The following AGBL1 variants were observed in gnomAD, a reference collection of about 807,000 sequenced individuals.
AGBL1 encodes the protein cytosolic carboxypeptidase 4.
Under a neutral mutation model 118.9 loss-of-function variants are expected in AGBL1, and 130 were observed. That is an observed-to-expected ratio of 1.09 (90% CI 0.95 to 1.26). AGBL1 has a LOEUF of 1.26. Among genes scored for constraint, AGBL1 ranks in the 50% most tolerant of loss-of-function variants. The pLI is 0.00. For synonymous variants in AGBL1, 555 were observed against 478.9 expected, an observed-to-expected ratio of 1.16 and a Z score of -2.08; for missense variants, 1,584 against 1,298.1, an observed-to-expected ratio of 1.22 and a Z score of -3.38.
At chr15:86,440,137 CTGTT>C (rs897271324) in intron 18 of AGBL1, among the ~76,000 whole-genome samples, 10 of 152,038 alleles carry the variant, frequency 6.6e-5, no homozygotes, top group South Asian at 2.1e-4. Flanking sequence ...AATGGAAACA[CTGTT>C]TGTAGGCTGA....
chr15:86,393,765 G>A (rs28547313), intron 17 of AGBL1, among the ~76,000 whole-genome samples: 16,130 of 152,106 alleles, frequency 0.11, 1,194 homozygotes, highest in African/African-American at 0.21. Context: ...GACTGAATAT[G>A]TATGTCCTCC....
In AGBL1 at chr15:86,264,581, A is replaced by G; in HGVS notation, c.1410A>G (p.Val470=). 6.2e-7 allele frequency: 1 copy of G among 1,613,976 alleles called. No homozygotes were observed. The highest frequency in any genetic ancestry group is 1.1e-5 in the South Asian group (1 of 91,068). Reference sequence around the variant, plus strand: ...CCCCGAAAGCAGATGCCTGGGACGTAGATGCAATTTTCTGCCCAAGGATGA... The same window carrying G: ...CCCCGAAAGCAGATGCCTGGGACGTGGATGCAATTTTCTGCCCAAGGATGA... ...QASPKADAWD[V]DAIFCPRMSA... The change falls in exon 11 of 23, where the codon GTA becomes GTG. Residue 470 remains valine, a synonymous_variant. Coordinates refer to ENST00000614907, the MANE Select transcript of AGBL1 (RefSeq NM_001386094.1).
At chr15:86,544,558 G>C (rs142982366) in intron 19 of AGBL1, among the ~76,000 whole-genome samples, 6 of 152,188 alleles carry the variant, frequency 3.9e-5, no homozygotes, top group Non-Finnish European at 1.5e-5. Flanking sequence ...GGGCAAATGA[G>C]GGGCAAAGTC....
intron 18 of AGBL1, among the ~76,000 whole-genome samples, chr15:86,472,438 T>G (rs1047745806): frequency 1.1e-4 from 17 of 152,222 alleles, no homozygotes; most frequent in African/African-American, 4.1e-4. Context: ...TAATTACATC[T>G]TTGTGTGCTC....
chr15:86,498,241 G>C (rs1402053743), intron 18 of AGBL1, among the ~76,000 whole-genome samples: 1 of 151,600 alleles, frequency 6.6e-6, no homozygotes, highest in Admixed American at 6.6e-5. Flanking sequence ...CCATATCTTG[G>C]TTTTATCTCC....
At chr15:86,283,413 T>G (rs963748891) in intron 16 of AGBL1, among the ~76,000 whole-genome samples, 1 of 151,720 alleles carries the variant, frequency 6.6e-6, no homozygotes, top group Non-Finnish European at 1.5e-5. Flanking sequence ...AGAGCAGAAT[T>G]TTTACCAGAC....
At chr15:86,180,318 G>C (rs2077535263) in intron 5 of AGBL1, among the ~76,000 whole-genome samples, 2 of 152,226 alleles carry the variant, frequency 1.3e-5, no homozygotes, top group African/African-American at 4.8e-5. Context: ...CAGTATGGAA[G>C]ATAGTGGGGT....
At chr15:86,849,794 G>T (rs776874952) in intron 22 of AGBL1, among the ~76,000 whole-genome samples, 1 of 152,182 alleles carries the variant, frequency 6.6e-6, no homozygotes, top group Non-Finnish European at 1.5e-5. Flanking sequence ...GGCAGCGTGT[G>T]CTGGGTAGCA....
chr15:86,238,506 C>T (rs1011764344), intron 6 of AGBL1, among the ~76,000 whole-genome samples: 3 of 152,166 alleles, frequency 2.0e-5, no homozygotes, highest in Non-Finnish European at 2.9e-5. Flanking sequence ...CAAGAGTCTA[C>T]CATGTTAGAG....
At chr15:86,867,900 A>G (rs1458163627) in intron 22 of AGBL1, among the ~76,000 whole-genome samples, 1 of 152,184 alleles carries the variant, frequency 6.6e-6, no homozygotes, top group Non-Finnish European at 1.5e-5. Context: ...CAGATATCCC[A>G]ATGAACCCAG....
intron 22 of AGBL1, among the ~76,000 whole-genome samples, chr15:86,815,841 T>C (rs543628486): frequency 6.6e-6 from 1 of 152,116 alleles, no homozygotes; most frequent in South Asian, 2.1e-4. Context: ...TTCCAGAATT[T>C]TGAAACAAAC....
At chr15:86,890,357 G>A (rs60089117) in intron 22 of AGBL1, among the ~76,000 whole-genome samples, 57,777 of 151,890 alleles carry the variant, frequency 0.38, 11,276 homozygotes, top group African/African-American at 0.47. Flanking sequence ...CACTCTGATT[G>A]ATAATTGTTT....
intron 3 of AGBL1, among the ~76,000 whole-genome samples, chr15:86,153,442 G>T (rs558861102): frequency 6.6e-6 from 1 of 151,534 alleles, no homozygotes; most frequent in African/African-American, 2.4e-5. Flanking sequence ...GCTCTCACTC[G>T]TAGGTGGGAA....
intron 22 of AGBL1, among the ~76,000 whole-genome samples, chr15:86,720,014 ACT>A (rs1483677346): frequency 6.6e-6 from 1 of 151,896 alleles, no homozygotes; most frequent in African/African-American, 2.4e-5. Context: ...TCAGGGGTTG[ACT>A]CTGATTTCCC....
At chr15:86,556,318 C>T in intron 21 of AGBL1, 1 of 1,574,852 alleles carries the variant, frequency 6.3e-7, no homozygotes, top group Non-Finnish European at 8.7e-7. Flanking sequence ...GTGAAATTTT[C>T]CAAATGGCTT....
intron 19 of AGBL1, among the ~76,000 whole-genome samples, chr15:86,529,716 A>G (rs747112716): frequency 0.028 from 4,248 of 151,362 alleles, 78 homozygotes; most frequent in East Asian, 0.066. Context: ...GAGAAAGGTC[A>G]GGTTACCCTC....
At chr15:86,530,290 A>C (rs1825624615) in intron 19 of AGBL1, among the ~76,000 whole-genome samples, 2 of 115,214 alleles carry the variant, frequency 1.7e-5, no homozygotes, top group Admixed American at 1.5e-4. Context: ...GAAAACAAAA[A>C]AAGGCAGGGG....
At chr15:86,674,056 T>C (rs2142548996) in intron 21 of AGBL1, among the ~76,000 whole-genome samples, 1 of 152,028 alleles carries the variant, frequency 6.6e-6, no homozygotes, top group East Asian at 1.9e-4. Flanking sequence ...GTCATGGGGG[T>C]ACTTCTGGGG....
chr15:86,987,906 T>C, intron 23 of AGBL1: 2 of 1,516,184 alleles, frequency 1.3e-6, no homozygotes, highest in Non-Finnish European at 8.8e-7. Flanking sequence ...ATAATATGTT[T>C]TTAAAATCCA....
Sources: allele counts gnomAD v4.1 joint callset (sites outside exome capture counted in the v4.1 genomes callset), GRCh38; gene constraint gnomAD v4.1.1; transcripts MANE v1.5; gene names NCBI Gene and HGNC (gene_info 2026-07-23, HGNC 2026-07-21).